ZFYVE28: variants seen among roughly 807,000 people sequenced by gnomAD.
ZFYVE28 encodes zinc finger FYVE-type containing 28, also known as lateral signaling target protein 2 homolog.
ZFYVE28 carries 40 observed loss-of-function variants against 82.1 expected under a neutral mutation model. The observed-to-expected ratio is 0.49, with a 90% CI of 0.38 to 0.63. The LOEUF (loss-of-function observed/expected upper bound fraction) is 0.63. ZFYVE28 is among the 30% of genes least tolerant of loss of function. The probability of loss-of-function intolerance (pLI) is 0.00; values close to 1 mark genes in which losing one functional copy is unlikely to be tolerated. For synonymous variants in ZFYVE28, 612 were observed against 546.1 expected (o/e 1.12, Z -1.68); for missense variants, 1,321 against 1,242.1 (o/e 1.06, Z -0.96).
At chr4:2,369,856 T>TTTCTTTTC (rs1560297072) in intron 1 of ZFYVE28, among the ~76,000 whole-genome samples, 2 of 140,568 alleles carry the variant, frequency 1.4e-5, no homozygotes, top group Non-Finnish European at 3.1e-5. Context: ...TTTTCTTTTT[T>TTTCTTTTC]TTTTTTTTTT....
In ZFYVE28 at chr4:2,353,988, C is replaced by T; in HGVS notation, c.125G>A (p.Gly42Glu). ...CGTGCACCGCTGGGGGTCCTTCCGC[C>T]CATCCAGGCTGTCCAGCTCCGCGGC... Reference protein sequence around the residue: ...QVAAELDSLDGRKDPQRCTLL... With the variant: ...QVAAELDSLDERKDPQRCTLL... The change falls in exon 2 of 13, where the codon GGG becomes GAG. Residue 42 changes from glycine (G) to glutamate (E), a missense_variant. Around this residue, in one of 2 missense-constraint regions of ZFYVE28, gnomAD observed 343 missense variants for 408.4 expected, o/e 0.84. Transcript: ENST00000290974. 1 of 1,583,162 alleles carries T rather than the reference C, an allele frequency of 6.3e-7. No homozygotes were observed. Among genetic ancestry groups the T allele is most frequent in the Non-Finnish European group, 8.6e-7 (1 of 1,164,838 alleles).
intron 6 of ZFYVE28, among the ~76,000 whole-genome samples, chr4:2,333,611 C>T (rs904451816): frequency 5.3e-5 from 8 of 152,100 alleles, no homozygotes; most frequent in Non-Finnish European, 1.0e-4. Flanking sequence ...CAGGGCTCAC[C>T]GGCTCATTGA....
At chr4:2,334,512 C>T (rs1194821128) in intron 6 of ZFYVE28, among the ~76,000 whole-genome samples, 1 of 151,968 alleles carries the variant, frequency 6.6e-6, no homozygotes, top group Non-Finnish European at 1.5e-5. Context: ...ATGCTCAACC[C>T]CAGTGCACTG....
At chr4:2,299,295 T>TACA (rs1715126908) in intron 8 of ZFYVE28, among the ~76,000 whole-genome samples, 1 of 152,004 alleles carries the variant, frequency 6.6e-6, no homozygotes, top group Non-Finnish European at 1.5e-5. Flanking sequence ...CAGCGAAGGG[T>TACA]ACTCCGTTTT....
At chr4:2,401,927 C>A (rs922078436) in intron 1 of ZFYVE28, among the ~76,000 whole-genome samples, 2 of 152,200 alleles carry the variant, frequency 1.3e-5, no homozygotes, top group African/African-American at 2.4e-5. Context: ...GCCCTCCCAG[C>A]GCTCCCTGAA....
intron 6 of ZFYVE28, among the ~76,000 whole-genome samples, chr4:2,325,449 C>CA (rs1460759070): frequency 2.1e-5 from 3 of 145,944 alleles, no homozygotes; most frequent in Non-Finnish European, 4.5e-5. Flanking sequence ...GCTGGCATTA[C>CA]AAAAAATCAT....
At position 2,385,291 on chromosome 4, in the gene ZFYVE28, A is replaced by G. The variant is rs913456122; in HGVS notation, c.40-31218T>C. Among the ~76,000 whole-genome samples, 3 of 152,338 alleles carry G rather than the reference A, an allele frequency of 2.0e-5. No individual in the cohort carries two copies. In the South Asian group the frequency reaches 6.2e-4, roughly 32 times the overall value. On this transcript the variant is annotated intron_variant, in intron 1 of 12. Transcript: ENST00000290974. ...CTTACGGTAAGGGAGTGGGCCAAGA[A>G]CAGCAGCAGAAAAAGGTGAGACCCA... is the stretch of plus-strand genomic sequence containing the variant.
chr4:2,271,027 G>A, intron 12 of ZFYVE28, 171 bp from the exon 13 acceptor site: 4 of 984,614 alleles, frequency 4.1e-6, no homozygotes, highest in Non-Finnish European at 5.9e-6. Context: ...TCTATGAGGG[G>A]TCCACGTCCT....
chr4:2,403,378 C>T (rs1731407084), intron 1 of ZFYVE28, among the ~76,000 whole-genome samples: 1 of 152,384 alleles, frequency 6.6e-6, no homozygotes, highest in South Asian at 2.1e-4. Context: ...CAGTCACACA[C>T]ACGAGTGTCA....
intron 7 of ZFYVE28, among the ~76,000 whole-genome samples, chr4:2,312,726 C>CAAAAAAAA (rs1170479977): frequency 1.5e-5 from 1 of 64,932 alleles, no homozygotes. Flanking sequence ...GACTCTGCCT[C>CAAAAAAAA]AAAAAAAAAA....
rs1439381553 is a variant in ZFYVE28 at position 2,305,225 on chromosome 4, C to A, written c.1115G>T (p.Arg372Met). The A allele has an allele frequency of 6.2e-7, 1 of 1,610,350 alleles. No individual in the cohort carries two copies. Among genetic ancestry groups the A allele is most frequent in the Non-Finnish European group, 8.5e-7 (1 of 1,178,110 alleles). ...PPIACQSPAH[R>M]PGAEGSPGGE... ...GCCTGGGCTGCCCTCCGCTCCTGGCCTGTGAGCTGGGGACTGGCAGGCAAT... is the reference window on the plus strand; with the variant it reads ...GCCTGGGCTGCCCTCCGCTCCTGGCATGTGAGCTGGGGACTGGCAGGCAAT... The change falls in exon 8 of 13, where the codon AGG (arginine) becomes ATG (methionine). Residue 372 changes from arginine (R) to methionine (M), a missense_variant. By Grantham distance (91) the Arg-to-Met change is moderately conservative. Coordinates refer to ENST00000290974, the MANE Select transcript of ZFYVE28 (RefSeq NM_020972.3).
intron 1 of ZFYVE28, among the ~76,000 whole-genome samples, chr4:2,375,984 C>T (rs545190012): frequency 3.9e-5 from 6 of 151,956 alleles, no homozygotes; most frequent in Admixed American, 3.3e-4. Flanking sequence ...AGTGATTCTC[C>T]TGCCTCAGCC....
At chr4:2,379,604 TG>T (rs1334214721) in intron 1 of ZFYVE28, among the ~76,000 whole-genome samples, 4 of 152,154 alleles carry the variant, frequency 2.6e-5, no homozygotes, top group Non-Finnish European at 4.4e-5. Context: ...TGTGCAGAGA[TG>T]GCACGCGCAC....
chr4:2,341,661 T>C lies in ZFYVE28; in HGVS notation c.181-46A>G, dbSNP rs1205950464. ...AAGTGCGCCAATCGCTGTGTCCAGCTGGCGGCCGCCATGTACTGCTGGAAA... is the reference window on the plus strand; with the variant it reads ...AAGTGCGCCAATCGCTGTGTCCAGCCGGCGGCCGCCATGTACTGCTGGAAA... On this transcript the variant is annotated intron_variant, in intron 2 of 12. Coordinates refer to ENST00000290974, the MANE Select transcript of ZFYVE28 (RefSeq NM_020972.3). This position sits in a 1 kb window ranked among gnomAD's most constrained non-coding sequence, Gnocchi z 4.5. 1.9e-6 allele frequency: 3 copies of C among 1,588,018 alleles called. No homozygotes were observed. The highest frequency in any genetic ancestry group is 1.7e-6 in the Non-Finnish European group (2 of 1,160,802).
chr4:2,334,293 A>C (rs1460783319), intron 6 of ZFYVE28, among the ~76,000 whole-genome samples: 2 of 152,026 alleles, frequency 1.3e-5, no homozygotes, highest in Non-Finnish European at 2.9e-5. Flanking sequence ...ACCAGGACCT[A>C]GGGGAGTGAG....
At chr4:2,357,217 T>C (rs1305673744) in intron 1 of ZFYVE28, among the ~76,000 whole-genome samples, 1 of 152,144 alleles carries the variant, frequency 6.6e-6, no homozygotes, top group Non-Finnish European at 1.5e-5. Flanking sequence ...AATTCTGACC[T>C]TGCTTATGGG....
At chr4:2,370,352 G>A (rs553211714) in intron 1 of ZFYVE28, among the ~76,000 whole-genome samples, 33 of 152,148 alleles carry the variant, frequency 2.2e-4, no homozygotes, top group African/African-American at 6.5e-4. Flanking sequence ...ACCATCACTC[G>A]GCCTGAGCCC....
chr4:2,327,676 T>C (rs1196009000), intron 6 of ZFYVE28, among the ~76,000 whole-genome samples: 1 of 152,200 alleles, frequency 6.6e-6, no homozygotes, highest in Non-Finnish European at 1.5e-5. Context: ...CAAATGCTTT[T>C]TCTGCATCTA....
chr4:2,338,164 G>T (rs768237285), intron 4 of ZFYVE28, among the ~76,000 whole-genome samples: 1 of 152,228 alleles, frequency 6.6e-6, no homozygotes, highest in African/African-American at 2.4e-5. Flanking sequence ...ACCTCCGCAC[G>T]TGGACCTCCA....
Sources: allele counts gnomAD v4.1 joint callset (sites outside exome capture counted in the v4.1 genomes callset), GRCh38; gene constraint gnomAD v4.1.1; regional missense constraint gnomAD v4.1.1; non-coding constraint Gnocchi (gnomAD v3.1); transcripts MANE v1.5; gene names NCBI Gene and HGNC (gene_info 2026-07-23, HGNC 2026-07-21).